The following ESRRG variants were observed in gnomAD, a reference collection of about 807,000 sequenced individuals.
ESRRG encodes the protein estrogen related receptor gamma.
A neutral mutation model predicts 44.0 loss-of-function variants in ESRRG; 13 were observed. The ratio of observed to expected loss-of-function variants is 0.30; its 90% CI spans 0.19 to 0.47. ESRRG has a LOEUF of 0.47. Among genes scored for constraint, ESRRG ranks in the 20% least tolerant of loss-of-function variants. The probability of loss-of-function intolerance (pLI) is 1.00; values close to 1 mark genes in which losing one functional copy is unlikely to be tolerated. For synonymous variants in ESRRG, 215 were observed against 214.6 expected, an observed-to-expected ratio of 1.00 and a Z score of -0.02; for missense variants, 395 against 580.6, an observed-to-expected ratio of 0.68 and a Z score of 3.29.
At chr1:216,886,783 GC>G (rs1411007951) in intron 2 of ESRRG, among the ~76,000 whole-genome samples, 6 of 152,112 alleles carry the variant, frequency 3.9e-5, no homozygotes, top group Non-Finnish European at 8.8e-5. Context: ...GAGTGGAGTG[GC>G]ATGATCTCTT....
At chr1:217,064,245 T>C (rs1397563039) in intron 1 of ESRRG, among the ~76,000 whole-genome samples, 2 of 152,056 alleles carry the variant, frequency 1.3e-5, no homozygotes, top group Non-Finnish European at 2.9e-5. Flanking sequence ...ATGTGTTATG[T>C]GTATATATAC....
intron 3 of ESRRG, among the ~76,000 whole-genome samples, chr1:216,571,036 A>G (rs1239748486): frequency 6.6e-6 from 1 of 152,230 alleles, no homozygotes; most frequent in African/African-American, 2.4e-5. Context: ...ATCTTGGTGG[A>G]AAACAATTCA....
intron 1 of ESRRG, among the ~76,000 whole-genome samples, chr1:216,689,464 G>C (rs1163319937): frequency 6.6e-6 from 1 of 152,068 alleles, no homozygotes; most frequent in Admixed American, 6.6e-5. Context: ...TTTATCACAG[G>C]CCTGATTATC....
chr1:216,665,857 C>T (rs2073801519), intron 2 of ESRRG, among the ~76,000 whole-genome samples: 1 of 152,154 alleles, frequency 6.6e-6, no homozygotes, highest in Non-Finnish European at 1.5e-5. Flanking sequence ...TAGGCCGTCA[C>T]ATCACTGAAG....
intron 1 of ESRRG, among the ~76,000 whole-genome samples, chr1:216,975,321 C>T (rs1384185437): frequency 6.6e-6 from 1 of 152,140 alleles, no homozygotes; most frequent in Non-Finnish European, 1.5e-5. Context: ...ATGATCTGGT[C>T]AGATCAAGGA....
chr1:216,750,212 A>G (rs528263122), intron 2 of ESRRG, among the ~76,000 whole-genome samples: 22 of 152,272 alleles, frequency 1.4e-4, no homozygotes, highest in African/African-American at 4.3e-4. Flanking sequence ...CCTGTGAACA[A>G]TAGAGGGCAC....
chr1:216,905,201 G>A (rs998586982), intron 2 of ESRRG, among the ~76,000 whole-genome samples: 1 of 152,088 alleles, frequency 6.6e-6, no homozygotes, highest in African/African-American at 2.4e-5. Context: ...CATTGCACAC[G>A]CCTTACTGGG....
intron 1 of ESRRG, among the ~76,000 whole-genome samples, chr1:216,998,227 C>A (rs946136642): frequency 3.3e-5 from 5 of 152,086 alleles, no homozygotes; most frequent in Non-Finnish European, 7.4e-5. Flanking sequence ...ACACTAAACA[C>A]CTAAAATGTC....
intron 2 of ESRRG, among the ~76,000 whole-genome samples, chr1:216,880,943 C>T (rs943847552): frequency 1.2e-4 from 19 of 152,060 alleles, no homozygotes; most frequent in Non-Finnish European, 1.3e-4. Context: ...TCTCTTCCTA[C>T]CTTAAAACAA....
intron 2 of ESRRG, among the ~76,000 whole-genome samples, chr1:216,751,986 C>T (rs1421360480): frequency 6.6e-6 from 1 of 152,072 alleles, no homozygotes; most frequent in African/African-American, 2.4e-5. Context: ...TGGTCGTCCA[C>T]TCTCTACACG....
chr1:217,066,405 C>A (rs2089700538), intron 1 of ESRRG, among the ~76,000 whole-genome samples: 1 of 144,940 alleles, frequency 6.9e-6, no homozygotes, highest in African/African-American at 2.4e-5. Flanking sequence ...CAGGTGCCCA[C>A]TAATTTTTTG....
intron 1 of ESRRG, among the ~76,000 whole-genome samples, chr1:217,052,826 T>A (rs2086289219): frequency 6.6e-6 from 1 of 152,128 alleles, no homozygotes; most frequent in African/African-American, 2.4e-5. Flanking sequence ...CTGGGGCAGC[T>A]GGTTAAGAAA....
At chr1:217,133,580 G>A (rs573811732) in intron 1 of ESRRG, among the ~76,000 whole-genome samples, 1 of 151,780 alleles carries the variant, frequency 6.6e-6, no homozygotes, top group African/African-American at 2.4e-5. Context: ...TGGAAAGAAA[G>A]ACAGCTAGCA....
At chr1:216,839,234 A>G (rs1399010099) in intron 2 of ESRRG, among the ~76,000 whole-genome samples, 3 of 152,208 alleles carry the variant, frequency 2.0e-5, no homozygotes, top group Non-Finnish European at 2.9e-5. Flanking sequence ...CATCTGTAAA[A>G]GGCTTTTCCT....
chr1:216,908,812 C>T (rs368175904), intron 2 of ESRRG, among the ~76,000 whole-genome samples: 39 of 143,460 alleles, frequency 2.7e-4, no homozygotes, highest in African/African-American at 9.1e-4. Context: ...GGCAATGTGC[C>T]GTAGGGTACA....
At chr1:216,792,573 G>C (rs530533489) in intron 2 of ESRRG, among the ~76,000 whole-genome samples, 1 of 152,176 alleles carries the variant, frequency 6.6e-6, no homozygotes, top group Non-Finnish European at 1.5e-5. Flanking sequence ...GCATTAGGAA[G>C]AATGCATACA....
upstream of ESRRG, among the ~76,000 whole-genome samples, chr1:217,093,099 T>G (rs1040238627): frequency 6.6e-6 from 1 of 152,212 alleles, no homozygotes; most frequent in Non-Finnish European, 1.5e-5. Context: ...TTTGAATTTT[T>G]GATGTCAAGA....
At chr1:216,685,722 G>A (rs1333200125) in intron 1 of ESRRG, among the ~76,000 whole-genome samples, 1 of 152,176 alleles carries the variant, frequency 6.6e-6, no homozygotes. Context: ...CCTATTCTCT[G>A]CTATACTGAA....
intron 1 of ESRRG, among the ~76,000 whole-genome samples, chr1:217,063,300 A>AG (rs1482295463): frequency 6.6e-6 from 1 of 152,242 alleles, no homozygotes; most frequent in African/African-American, 2.4e-5. Context: ...CCTACTGTGA[A>AG]GTAACTGTAT....
Sources: gnomAD v4.1 joint callset for allele counts (sites outside exome capture counted in the v4.1 genomes callset) on GRCh38, gnomAD v4.1.1 for gene constraint, MANE v1.5 for transcripts, NCBI Gene and HGNC (gene_info 2026-07-23, HGNC 2026-07-21) for gene names.